The following TENM2 variants were observed in gnomAD, a reference collection of about 807,000 sequenced individuals.
TENM2 encodes teneurin transmembrane protein 2.
In TENM2, 52 loss-of-function variants were observed where a neutral mutation model predicts 245.2. The observed-to-expected ratio is 0.21, with a 90% CI of 0.17 to 0.27. TENM2 has a LOEUF of 0.27. TENM2 is among the 10% of genes least tolerant of loss of function. The probability of loss-of-function intolerance (pLI) is 1.00; values close to 1 mark genes in which losing one functional copy is unlikely to be tolerated. For missense variants in TENM2, 3,046 were observed against 3,666.8 expected (o/e 0.83, Z 4.37); for synonymous variants, 1,363 against 1,438.9 (o/e 0.95, Z 1.19).
chr5:167,343,914 T>G (rs1269511614), intron 1 of TENM2, among the ~76,000 whole-genome samples: 1 of 151,856 alleles, frequency 6.6e-6, no homozygotes, highest in African/African-American at 2.4e-5. Flanking sequence ...ATTACAAAAA[T>G]TACCACCATC....
intron 2 of TENM2, among the ~76,000 whole-genome samples, chr5:167,631,497 A>G (rs1250965609): frequency 1.3e-5 from 2 of 152,150 alleles, no homozygotes; most frequent in Admixed American, 1.3e-4. Flanking sequence ...AGCAGTGGGT[A>G]GAGTAGCTGG....
the TENM2 span, among the ~76,000 whole-genome samples, chr5:167,133,065 G>A: frequency 6.6e-6 from 1 of 152,196 alleles, no homozygotes; most frequent in Non-Finnish European, 1.5e-5. Flanking sequence ...GGGACGTGTG[G>A]CCTAGGAGCC....
At chr5:167,931,908 G>A (rs563595037) in intron 3 of TENM2, among the ~76,000 whole-genome samples, 41 of 152,314 alleles carry the variant, frequency 2.7e-4, no homozygotes, top group African/African-American at 9.9e-4. Context: ...CTTGTGTAGG[G>A]CACTAGCTAC....
At chr5:167,084,327 T>TATATATATATATATATA in the TENM2 span, among the ~76,000 whole-genome samples, 2 of 23,170 alleles carry the variant, frequency 8.6e-5, no homozygotes, top group African/African-American at 1.8e-4. Flanking sequence ...GCCATTTTAG[T>TATATATATATATATATA]TATATATATA....
the TENM2 span, among the ~76,000 whole-genome samples, chr5:167,255,834 G>A: frequency 6.6e-6 from 1 of 152,084 alleles, no homozygotes; most frequent in Non-Finnish European, 1.5e-5. Flanking sequence ...TAGGATTTAA[G>A]TTTTATTTCT....
chr5:167,495,448 C>T (rs1375738805), intron 2 of TENM2, among the ~76,000 whole-genome samples: 1 of 151,984 alleles, frequency 6.6e-6, no homozygotes, highest in Non-Finnish European at 1.5e-5. Context: ...TCTTTTATGA[C>T]CCAACCTCCA....
the TENM2 span, among the ~76,000 whole-genome samples, chr5:167,181,216 C>G: frequency 6.6e-6 from 1 of 152,082 alleles, no homozygotes; most frequent in Non-Finnish European, 1.5e-5. Flanking sequence ...AACAAAAATG[C>G]TGACCTGGTT....
intron 2 of TENM2, among the ~76,000 whole-genome samples, chr5:167,482,040 A>T (rs1561991780): frequency 6.6e-6 from 1 of 152,286 alleles, no homozygotes; most frequent in East Asian, 1.9e-4. Context: ...TAGTTGTAAA[A>T]AATGTTTCAT....
At position 168,218,008 on chromosome 5, in the gene TENM2, A is replaced by G. The variant is rs776081923; in HGVS notation, c.4234-117A>G. ...GTTCAATGAAGAGCATTTCTAATAC[A>G]ATGTGTTATTAAAAAGCTGTCTTTT... On this transcript the variant is annotated intron_variant, in intron 22 of 28. Transcript: ENST00000518659. The surrounding 1 kb of genome is among the most constrained non-coding windows in gnomAD (Gnocchi z 5.2). The G allele has an allele frequency of 9.5e-5, 101 of 1,062,750 alleles. No homozygotes were observed. Among genetic ancestry groups the G allele is most frequent in the Non-Finnish European group, 1.3e-4 (94 of 735,852 alleles). The allele number at this position is 1,062,750 out of a possible 1,614,324, so 65.8% of individuals were successfully genotyped here.
intron 2 of TENM2, among the ~76,000 whole-genome samples, chr5:167,792,880 G>A (rs1583023820): frequency 6.6e-6 from 1 of 152,152 alleles, no homozygotes; most frequent in Non-Finnish European, 1.5e-5. Flanking sequence ...GTTTCTGCAG[G>A]AGCCTGCCCC....
At position 168,219,330 on chromosome 5, in the gene TENM2, C is replaced by T. The variant is rs1047769568; in HGVS notation, c.5108+331C>T. ...TGATTATTCAAGTTTGCCATGGGTG[C>T]GGAAATTAGAATCTAAAAGGCAAGA... is the stretch of plus-strand genomic sequence containing the variant. On this transcript the variant is annotated intron_variant, in intron 23 of 28. Coordinates refer to ENST00000518659, the Ensembl canonical transcript of TENM2. Among the ~76,000 whole-genome samples the T allele has an allele frequency of 6.6e-5, 10 of 152,064 alleles. No homozygotes were observed. In the South Asian group the frequency reaches 8.3e-4, roughly 13 times the overall value.
chr5:167,841,553 G>A (rs909795974), intron 2 of TENM2, among the ~76,000 whole-genome samples: 1 of 152,148 alleles, frequency 6.6e-6, no homozygotes, highest in African/African-American at 2.4e-5. Context: ...TTAAGGGTGA[G>A]ATCCCCATGC....
intron 2 of TENM2, among the ~76,000 whole-genome samples, chr5:167,593,774 C>T (rs561706190): frequency 6.6e-6 from 1 of 152,364 alleles, no homozygotes; most frequent in Admixed American, 6.5e-5. Flanking sequence ...GTTACAAGCA[C>T]TTCTTCCTGG....
At chr5:167,928,160 T>C (rs1234630122) in intron 3 of TENM2, among the ~76,000 whole-genome samples, 2 of 152,132 alleles carry the variant, frequency 1.3e-5, no homozygotes, top group African/African-American at 2.4e-5. Context: ...GTAAGACAAA[T>C]GTAAGAATTA....
intron 2 of TENM2, among the ~76,000 whole-genome samples, chr5:167,664,635 C>A (rs1424522997): frequency 6.6e-6 from 1 of 152,180 alleles, no homozygotes; most frequent in Non-Finnish European, 1.5e-5. Context: ...TTCAGTTATT[C>A]CTCATGGTTA....
intron 1 of TENM2, among the ~76,000 whole-genome samples, chr5:167,324,907 C>T (rs1489183321): frequency 2.0e-5 from 3 of 151,988 alleles, no homozygotes; most frequent in South Asian, 2.1e-4. Context: ...TCAGAGGGAC[C>T]GAATTCGGCT....
chr5:167,809,240 C>A (rs1460176631), intron 2 of TENM2, among the ~76,000 whole-genome samples: 1 of 152,142 alleles, frequency 6.6e-6, no homozygotes, highest in African/African-American at 2.4e-5. Context: ...CTTTTTCATG[C>A]CCCTTTTACA....
chr5:168,127,426 C>T (rs977764971), intron 12 of TENM2, among the ~76,000 whole-genome samples: 8 of 152,176 alleles, frequency 5.3e-5, no homozygotes, highest in African/African-American at 1.9e-4. Flanking sequence ...GCAGGTACCA[C>T]GGTAAGGTCC....
chr5:167,519,948 ATACTT>A (rs370796267), intron 2 of TENM2, among the ~76,000 whole-genome samples: 6 of 152,226 alleles, frequency 3.9e-5, no homozygotes, highest in Non-Finnish European at 5.9e-5. Flanking sequence ...TAGCAAATGA[ATACTT>A]TAAGATGTAT....
Sources: allele counts gnomAD v4.1 joint callset (sites outside exome capture counted in the v4.1 genomes callset), GRCh38; gene constraint gnomAD v4.1.1; non-coding constraint Gnocchi (gnomAD v3.1); transcripts MANE v1.5; gene names NCBI Gene and HGNC (gene_info 2026-07-23, HGNC 2026-07-21).